IMMP2L: variants seen among roughly 807,000 people sequenced by gnomAD.
IMMP2L encodes the protein inner mitochondrial membrane peptidase subunit 2.
IMMP2L carries 18 observed loss-of-function variants against 19.3 expected under a neutral mutation model. The ratio of observed to expected loss-of-function variants is 0.93; its 90% CI spans 0.64 to 1.38. IMMP2L has a LOEUF of 1.38. IMMP2L is among the 40% of genes most tolerant of loss of function. The pLI is 0.00. For missense variants in IMMP2L, 233 were observed against 218.2 expected, an observed-to-expected ratio of 1.07 and a Z score of -0.43; for synonymous variants, 76 against 73.0, an observed-to-expected ratio of 1.04 and a Z score of -0.21.
At chr7:111,383,766 CTCTT>C (rs766579023) in intron 3 of IMMP2L, among the ~76,000 whole-genome samples, 6 of 151,990 alleles carry the variant, frequency 3.9e-5, no homozygotes, top group South Asian at 2.1e-4. Flanking sequence ...GTTTTTCTGC[CTCTT>C]TCTTTTTCAT....
At chr7:111,368,903 T>C (rs1486335826) in intron 3 of IMMP2L, among the ~76,000 whole-genome samples, 2 of 151,972 alleles carry the variant, frequency 1.3e-5, no homozygotes, top group Admixed American at 1.3e-4. Flanking sequence ...ATCTGAAGTG[T>C]GAATTCATTC....
At chr7:111,530,154 G>C (rs1042458322) in intron 1 of IMMP2L, among the ~76,000 whole-genome samples, 1 of 152,128 alleles carries the variant, frequency 6.6e-6, no homozygotes, top group Non-Finnish European at 1.5e-5. Context: ...CTTTATCTCA[G>C]TAAGCAAAAT....
intron 5 of IMMP2L, among the ~76,000 whole-genome samples, chr7:110,832,092 T>A (rs1584964127): frequency 6.6e-6 from 1 of 152,186 alleles, no homozygotes; most frequent in East Asian, 1.9e-4. Flanking sequence ...TGAAACCTCG[T>A]CTCTACTAAA....
At chr7:110,999,558 T>C (rs1209908722) in intron 3 of IMMP2L, among the ~76,000 whole-genome samples, 2 of 151,846 alleles carry the variant, frequency 1.3e-5, no homozygotes, top group Non-Finnish European at 2.9e-5. Flanking sequence ...CTAATTCTTG[T>C]TTTATGGATA....
At chr7:111,324,941 C>A (rs1825155785) in intron 3 of IMMP2L, among the ~76,000 whole-genome samples, 1 of 151,632 alleles carries the variant, frequency 6.6e-6, no homozygotes, top group Admixed American at 6.6e-5. Flanking sequence ...GATAAGTCTG[C>A]CACATCCATA....
chr7:110,908,831 G>T (rs1460375055), intron 4 of IMMP2L, among the ~76,000 whole-genome samples: 1 of 152,216 alleles, frequency 6.6e-6, no homozygotes. Context: ...GAATTTAATA[G>T]TTATTTATTG....
intron 3 of IMMP2L, among the ~76,000 whole-genome samples, chr7:110,999,489 T>C (rs1032124491): frequency 6.6e-6 from 1 of 151,902 alleles, no homozygotes; most frequent in Non-Finnish European, 1.5e-5. Flanking sequence ...TCAACAATCA[T>C]ATTTGTATTC....
At chr7:111,345,078 C>T (rs1025043941) in intron 3 of IMMP2L, among the ~76,000 whole-genome samples, 1 of 151,994 alleles carries the variant, frequency 6.6e-6, no homozygotes, top group Non-Finnish European at 1.5e-5. Context: ...TACAGTTTTC[C>T]TTAGAGTTTT....
At position 110,945,717 on chromosome 7, in the gene IMMP2L, G is replaced by C. The variant is rs1401347197; in HGVS notation, c.305+17783C>G. Among the ~76,000 whole-genome samples the C allele has an allele frequency of 3.3e-5, 5 of 150,788 alleles. No individual in the cohort carries two copies. The Admixed American group carries it at 3.6e-4, about 11-fold the overall frequency. On this transcript the variant is annotated intron_variant, in intron 4 of 5. Coordinates refer to ENST00000405709, the MANE Select transcript of IMMP2L (RefSeq NM_032549.4). ...CCGCTTTCCATTTTTCTAAAGCCTTGTAATCACGGAGAGGTCAGAGATTGA... is the reference window on the plus strand; with the variant it reads ...CCGCTTTCCATTTTTCTAAAGCCTTCTAATCACGGAGAGGTCAGAGATTGA...
chr7:111,037,079 A>C (rs546669935), intron 3 of IMMP2L, among the ~76,000 whole-genome samples: 1 of 152,288 alleles, frequency 6.6e-6, no homozygotes, highest in South Asian at 2.1e-4. Context: ...ACTCAGGCTG[A>C]AAATGAAATT....
At chr7:111,453,902 T>C (rs1839450490) in intron 3 of IMMP2L, among the ~76,000 whole-genome samples, 1 of 152,178 alleles carries the variant, frequency 6.6e-6, no homozygotes. Flanking sequence ...TATTTCCCTA[T>C]GGTTTGGGAA....
At chr7:111,548,216 C>CAA (rs11378958) in intron 1 of IMMP2L, among the ~76,000 whole-genome samples, 9 of 150,742 alleles carry the variant, frequency 6.0e-5, no homozygotes, top group Non-Finnish European at 8.9e-5. Flanking sequence ...GTGCTTGCTA[C>CAA]AAAAAAAAAG....
intron 5 of IMMP2L, among the ~76,000 whole-genome samples, chr7:110,700,659 C>G (rs963786379): frequency 6.6e-6 from 1 of 152,196 alleles, no homozygotes; most frequent in Non-Finnish European, 1.5e-5. Context: ...CTCCAGTGTT[C>G]ATGGGTTTAC....
At chr7:111,031,909 G>T (rs1005181193) in intron 3 of IMMP2L, among the ~76,000 whole-genome samples, 4 of 149,586 alleles carry the variant, frequency 2.7e-5, no homozygotes, top group African/African-American at 7.4e-5. Context: ...CTATAATGCC[G>T]CTATGACCAT....
intron 4 of IMMP2L, among the ~76,000 whole-genome samples, chr7:110,893,846 A>G (rs1041198981): frequency 2.0e-5 from 3 of 152,162 alleles, no homozygotes; most frequent in African/African-American, 4.8e-5. Flanking sequence ...CCCTATTTTT[A>G]AAAGGAAAAA....
At chr7:110,882,766 T>C (rs1809822614) in intron 5 of IMMP2L, among the ~76,000 whole-genome samples, 1 of 150,744 alleles carries the variant, frequency 6.6e-6, no homozygotes, top group African/African-American at 2.5e-5. Flanking sequence ...TTTTTTCTTT[T>C]TCTTTTGTTT....
intron 3 of IMMP2L, among the ~76,000 whole-genome samples, chr7:111,243,151 A>C (rs186955221): frequency 3.3e-5 from 5 of 152,252 alleles, no homozygotes; most frequent in African/African-American, 7.2e-5. Flanking sequence ...GGAATTTTTA[A>C]ATGTATGGCA....
intron 5 of IMMP2L, among the ~76,000 whole-genome samples, chr7:110,826,836 T>TA (rs973092352): frequency 5.3e-5 from 8 of 151,440 alleles, no homozygotes; most frequent in Admixed American, 1.3e-4. Flanking sequence ...TAAAGTATAT[T>TA]AAAAAAATAA....
At chr7:110,911,732 A>C (rs911309995) in intron 4 of IMMP2L, among the ~76,000 whole-genome samples, 6 of 152,112 alleles carry the variant, frequency 3.9e-5, no homozygotes, top group African/African-American at 1.4e-4. Context: ...CACAAACAAC[A>C]TATTTTCTCT....
Sources: allele counts gnomAD v4.1 joint callset (sites outside exome capture counted in the v4.1 genomes callset), GRCh38; gene constraint gnomAD v4.1.1; transcripts MANE v1.5; gene names NCBI Gene and HGNC (gene_info 2026-07-23, HGNC 2026-07-21).